The following NXNL2 variants were observed in gnomAD, a reference collection of about 807,000 sequenced individuals.
NXNL2 encodes the protein nucleoredoxin-like protein 2.
NXNL2 carries 7 observed loss-of-function variants against 11.1 expected under a neutral mutation model. The observed-to-expected ratio is 0.63, with a 90% confidence interval of 0.36 to 1.18. The LOEUF (loss-of-function observed/expected upper bound fraction) is 1.18, where lower values mean the gene tolerates loss of function less well. NXNL2 is among the 50% of genes most tolerant of loss of function. NXNL2 has a pLI of 0.02. For missense variants in NXNL2, 233 were observed against 217.7 expected (o/e 1.07, Z -0.44); for synonymous variants, 109 against 101.8 (o/e 1.07, Z -0.42).
chr9:88,560,910 T>C (rs1280642682), intron 1 of NXNL2, among the ~76,000 whole-genome samples: 1 of 152,092 alleles, frequency 6.6e-6, no homozygotes, highest in Non-Finnish European at 1.5e-5. Context: ...AGCACTGCGC[T>C]GGGGGAGGAA....
At chr9:88,551,756 C>T (rs1310804029) in intron 1 of NXNL2, among the ~76,000 whole-genome samples, 1 of 152,168 alleles carries the variant, frequency 6.6e-6, no homozygotes, top group Non-Finnish European at 1.5e-5. Flanking sequence ...CTGCTGGGGC[C>T]ATTCTGTTAG....
chr9:88,554,951 C>T (rs1829990168), intron 1 of NXNL2, among the ~76,000 whole-genome samples: 1 of 151,928 alleles, frequency 6.6e-6, no homozygotes, highest in African/African-American at 2.4e-5. Flanking sequence ...CTAGAATTGA[C>T]TAGGAGAGAC....
intron 1 of NXNL2, among the ~76,000 whole-genome samples, chr9:88,568,493 AG>A (rs1364366138): frequency 1.3e-5 from 2 of 152,208 alleles, no homozygotes; most frequent in Non-Finnish European, 1.5e-5. Context: ...TGGGCCCCCC[AG>A]GGGATCAGCA....
intron 1 of NXNL2, among the ~76,000 whole-genome samples, chr9:88,582,990 T>C (rs4242607): frequency 0.3 from 45,328 of 152,054 alleles, 10,546 homozygotes; most frequent in East Asian, 0.89. Flanking sequence ...TTTTCTTTGG[T>C]TTACTAGTCT....
At chr9:88,559,515 G>T (rs969863455) in intron 1 of NXNL2, among the ~76,000 whole-genome samples, 3 of 152,118 alleles carry the variant, frequency 2.0e-5, no homozygotes, top group African/African-American at 7.2e-5. Context: ...GGGCTTCCTC[G>T]CTACCAAGCA....
At chr9:88,564,285 T>TCTATCTATCTATCTATTATC (rs1554706562) in intron 1 of NXNL2, among the ~76,000 whole-genome samples, 5 of 140,258 alleles carry the variant, frequency 3.6e-5, no homozygotes, top group Non-Finnish European at 6.1e-5. Flanking sequence ...TATCTATCTA[T>TCTATCTATCTATCTATTATC]TATCTATCTA....
intron 1 of NXNL2, among the ~76,000 whole-genome samples, chr9:88,569,357 T>C (rs570462584): frequency 6.6e-6 from 1 of 152,348 alleles, no homozygotes; most frequent in South Asian, 2.1e-4. Flanking sequence ...TCAAACTTTA[T>C]ATATAGAAAA....
rs760398300 is a variant in NXNL2 at position 88,535,662 on chromosome 9, C to G, written c.228C>G (p.Ser76=). The G allele has an allele frequency of 1.9e-6, 3 of 1,607,894 alleles. No homozygotes were observed. In the South Asian group the frequency reaches 3.3e-5, roughly 18 times the overall value. The change falls in exon 1 of 2, where the codon TCC becomes TCG. Residue 76 remains serine (S), a synonymous_variant. Coordinates refer to ENST00000375854, the MANE Select transcript of NXNL2 (RefSeq NM_001161625.2). The part of the protein sequence containing the change: ...EVVFVSADGS[S]QEMLDFMREL... ...TCTTCGTGTCAGCCGACGGCAGCTC[C>G]CAGGAGATGCTGGACTTCATGCGCG...
downstream of NXNL2, among the ~76,000 whole-genome samples, chr9:88,548,682 C>CAAAA (rs34096783): frequency 0.015 from 1,182 of 78,832 alleles, 38 homozygotes; most frequent in African/African-American, 0.043. Context: ...GACTCTGTCT[C>CAAAA]AAAAAAAAAA....
chr9:88,561,514 T>C (rs1325072569), intron 1 of NXNL2, among the ~76,000 whole-genome samples: 1 of 152,168 alleles, frequency 6.6e-6, no homozygotes, highest in Non-Finnish European at 1.5e-5. Flanking sequence ...GTCTAATTAG[T>C]TCTGTCCCTC....
chr9:88,573,449 G>A (rs149880570), intron 2 of NXNL2, among the ~76,000 whole-genome samples: 114 of 152,302 alleles, frequency 7.5e-4, no homozygotes, highest in African/African-American at 2.6e-3. Context: ...TGGCCATACA[G>A]TAGTCTTGAA....
chr9:88,555,949 A>T (rs532918784), intron 1 of NXNL2, among the ~76,000 whole-genome samples: 1 of 152,226 alleles, frequency 6.6e-6, no homozygotes, highest in Non-Finnish European at 1.5e-5. Flanking sequence ...CAGCACAGGC[A>T]TGGGCTCCAT....
At chr9:88,564,276 A>G (rs994172728) in intron 1 of NXNL2, among the ~76,000 whole-genome samples, 88 of 130,742 alleles carry the variant, frequency 6.7e-4, no homozygotes, top group African/African-American at 2.4e-3. Context: ...CTGTCTATCT[A>G]TCTATCTATT....
intron 2 of NXNL2, among the ~76,000 whole-genome samples, chr9:88,573,148 A>AT (rs35107510): frequency 0.31 from 45,304 of 148,120 alleles, 8,090 homozygotes; most frequent in East Asian, 0.9. Flanking sequence ...AAAATAGTCA[A>AT]TTTTTTTTTT....
intron 1 of NXNL2, 109 bp downstream of exon 1, chr9:88,535,845 C>T: frequency 2.4e-6 from 2 of 821,368 alleles, no homozygotes; most frequent in South Asian, 1.8e-5. Context: ...CCCCCCAACA[C>T]CTCCCCGTCT....
At chr9:88,573,548 A>G (rs1264268953) in intron 2 of NXNL2, among the ~76,000 whole-genome samples, 1 of 152,212 alleles carries the variant, frequency 6.6e-6, no homozygotes, top group African/African-American at 2.4e-5. Flanking sequence ...TAAAATGGAC[A>G]TGTTTTATAT....
At chr9:88,540,935 ATTTTTT>A (rs71507764) in intron 1 of NXNL2, among the ~76,000 whole-genome samples, 2 of 91,074 alleles carry the variant, frequency 2.2e-5, no homozygotes, top group Admixed American at 1.3e-4. Context: ...ATCTCAGTAG[ATTTTTT>A]TTTTTTTTTT....
intron 1 of NXNL2, among the ~76,000 whole-genome samples, chr9:88,558,586 G>A (rs548965780): frequency 2.0e-5 from 3 of 152,244 alleles, no homozygotes; most frequent in East Asian, 3.9e-4. Context: ...TAAACAACCT[G>A]GGGCTTGGTT....
intron 1 of NXNL2, among the ~76,000 whole-genome samples, chr9:88,551,855 G>A (rs1176752939): frequency 1.3e-5 from 2 of 152,150 alleles, no homozygotes; most frequent in Non-Finnish European, 2.9e-5. Context: ...CAGTGTTCTG[G>A]GAGCTGGGTA....
Sources: gnomAD v4.1 joint callset for allele counts (sites outside exome capture counted in the v4.1 genomes callset) on GRCh38, gnomAD v4.1.1 for gene constraint, MANE v1.5 for transcripts, NCBI Gene and HGNC (gene_info 2026-07-23, HGNC 2026-07-21) for gene names.